HMCN1: variants seen among roughly 807,000 people sequenced by gnomAD.
HMCN1 encodes the protein hemicentin 1.
HMCN1 carries 321 observed loss-of-function variants against 625.9 expected under a neutral mutation model. The observed-to-expected ratio is 0.51, with a 90% CI of 0.47 to 0.56. HMCN1 has a LOEUF of 0.56. Ranked by LOEUF, HMCN1 falls within the 20% of genes least tolerant of loss-of-function variation. The pLI, the probability that HMCN1 is intolerant of heterozygous loss-of-function variation, is 0.00. For synonymous variants in HMCN1, 2,425 were observed against 2,417.6 expected (o/e 1.00, Z -0.09); for missense variants, 6,588 against 6,887.3 (o/e 0.96, Z 1.54).
intron 15 of HMCN1, among the ~76,000 whole-genome samples, chr1:185,974,635 G>A (rs868600329): frequency 5.3e-5 from 8 of 152,064 alleles, no homozygotes; most frequent in South Asian, 2.1e-4. Context: ...AGTTCATGTT[G>A]GCTACATTCA....
At chr1:185,900,292 A>G (rs1190212015) in intron 4 of HMCN1, among the ~76,000 whole-genome samples, 1 of 152,008 alleles carries the variant, frequency 6.6e-6, no homozygotes, top group Non-Finnish European at 1.5e-5. Context: ...TGTGAGAGCT[A>G]TAAAGTTTTG....
At chr1:185,752,582 A>C (rs1654886447) in intron 1 of HMCN1, among the ~76,000 whole-genome samples, 1 of 152,046 alleles carries the variant, frequency 6.6e-6, no homozygotes, top group Non-Finnish European at 1.5e-5. Flanking sequence ...TTGCATGTGA[A>C]CTTAGTCTGT....
At chr1:186,024,823 C>G (rs1432767872) in intron 36 of HMCN1, among the ~76,000 whole-genome samples, 5 of 152,144 alleles carry the variant, frequency 3.3e-5, no homozygotes, top group Non-Finnish European at 7.4e-5. Flanking sequence ...AATGAATGCT[C>G]TATAACAGCA....
intron 2 of HMCN1, among the ~76,000 whole-genome samples, chr1:185,852,557 G>A (rs1026174974): frequency 1.4e-5 from 2 of 140,460 alleles, no homozygotes; most frequent in Non-Finnish European, 3.1e-5. Flanking sequence ...TTCATAATAT[G>A]CATTTGCTTA....
Position 186,093,686 on chromosome 1 carries a change from T to A in HMCN1, c.10196+17T>A, listed in dbSNP as rs776366059. On this transcript the variant is annotated intron_variant, in intron 66 of 106. Transcript: ENST00000271588. Reference sequence around the variant, plus strand: ...AGTTATCAGGTCAGCTTTTATTGTGTCTGATTTCCTAAACAGATGAAGTAA... The same window carrying A: ...AGTTATCAGGTCAGCTTTTATTGTGACTGATTTCCTAAACAGATGAAGTAA... 7.4e-6 allele frequency: 12 copies of A among 1,612,952 alleles called. No individual in the cohort carries two copies. The highest frequency in any genetic ancestry group is 9.3e-6 in the Non-Finnish European group (11 of 1,179,254).
intron 68 of HMCN1, 113 bp downstream of exon 68, chr1:186,095,634 T>A (rs987556661): frequency 1.1e-5 from 13 of 1,140,554 alleles, no homozygotes; most frequent in South Asian, 1.6e-5. Flanking sequence ...TTTTAAAAAA[T>A]TTTTATTGCA....
intron 1 of HMCN1, among the ~76,000 whole-genome samples, chr1:185,735,634 G>T (rs1653507888): frequency 6.6e-6 from 1 of 152,192 alleles, no homozygotes; most frequent in Admixed American, 6.5e-5. Context: ...TCACAGATGG[G>T]TATAAACATT....
chr1:186,080,636 T>C (rs1040362676), intron 55 of HMCN1, among the ~76,000 whole-genome samples: 19 of 152,170 alleles, frequency 1.2e-4, no homozygotes, highest in African/African-American at 4.6e-4. Flanking sequence ...CAGAGATGCC[T>C]ATTGAAGTTA....
chr1:186,155,447 C>T (rs1287550878), intron 97 of HMCN1, among the ~76,000 whole-genome samples: 1 of 152,138 alleles, frequency 6.6e-6, no homozygotes, highest in East Asian at 1.9e-4. Flanking sequence ...CTTTTCAAAT[C>T]TAACTTCTGT....
intron 82 of HMCN1, among the ~76,000 whole-genome samples, chr1:186,127,327 C>T (rs1227302233): frequency 6.6e-6 from 1 of 152,008 alleles, no homozygotes; most frequent in African/African-American, 2.4e-5. Context: ...TGATAGGCAT[C>T]AGCATATAGT....
chr1:185,773,760 T>C (rs1022443355), intron 1 of HMCN1, among the ~76,000 whole-genome samples: 17 of 152,128 alleles, frequency 1.1e-4, no homozygotes, highest in African/African-American at 4.1e-4. Context: ...ATGATGGTGT[T>C]AAGTAAAGTA....
chr1:185,836,282 A>G (rs79503643), intron 1 of HMCN1, among the ~76,000 whole-genome samples: 302 of 152,238 alleles, frequency 2.0e-3, no homozygotes, highest in African/African-American at 7.1e-3. Flanking sequence ...AAAACAGTAC[A>G]ATAAGTTGAA....
intron 9 of HMCN1, among the ~76,000 whole-genome samples, chr1:185,927,492 G>C (rs1234188517): frequency 6.6e-6 from 1 of 152,126 alleles, no homozygotes; most frequent in Non-Finnish European, 1.5e-5. Context: ...ACCTTGCTTT[G>C]TTTCTCACTT....
chr1:186,103,605 T>C lies in HMCN1; in HGVS notation c.10707T>C (p.Leu3569=), dbSNP rs1270078995. The change falls in exon 69 of 107, where the codon CTT becomes CTC. Residue 3569 remains leucine, a synonymous_variant. Coordinates refer to ENST00000271588, the MANE Select transcript of HMCN1 (RefSeq NM_031935.3). ...KMTWMKDGRP[L]PQTDQVQTLG... ...CCTGGATGAAAGATGGCCGGCCCCT[T>C]CCACAGACGGATCAAGTGCAAACTC... The C allele has an allele frequency of 6.2e-7, 1 of 1,613,748 alleles. No homozygotes were observed. Among genetic ancestry groups the C allele is most frequent in the Non-Finnish European group, 8.5e-7 (1 of 1,179,832 alleles).
intron 42 of HMCN1, among the ~76,000 whole-genome samples, chr1:186,052,018 C>G (rs569543903): frequency 1.3e-5 from 2 of 151,876 alleles, no homozygotes; most frequent in African/African-American, 2.4e-5. Flanking sequence ...AGTATTTAGA[C>G]TGGTTATACA....
chr1:186,171,987 C>A lies in HMCN1; in HGVS notation c.15689-19C>A. On this transcript the variant is annotated intron_variant, in intron 101 of 106. Transcript: ENST00000271588. ...TAAATAATTTTCTTAATCTACATTA[C>A]CTTTGTTCTTTTATCAAGATGTGAA... 6.2e-7 allele frequency: 1 copy of A among 1,611,408 alleles called. No individual in the cohort carries two copies. Among genetic ancestry groups the A allele is most frequent in the South Asian group, 1.1e-5 (1 of 90,932 alleles).
Position 185,921,899 on chromosome 1 carries a change from T to C in HMCN1, c.901-480T>C, listed in dbSNP as rs143257346. ...ACACTGCTGAGCTGAGGATGCCAGGTTGCCAAAATCTGAAAATGGTCGGCT... is the reference window on the plus strand; with the variant it reads ...ACACTGCTGAGCTGAGGATGCCAGGCTGCCAAAATCTGAAAATGGTCGGCT... On this transcript the variant is annotated intron_variant, in intron 6 of 106. Coordinates refer to ENST00000271588, the MANE Select transcript of HMCN1 (RefSeq NM_031935.3). Among the ~76,000 whole-genome samples, 134 of 152,316 alleles carry C rather than the reference T, an allele frequency of 8.8e-4. 3 individuals carry two copies. In the East Asian group the frequency reaches 0.025, roughly 28 times the overall value.
chr1:186,123,194 G>A lies in HMCN1; in HGVS notation c.12473G>A (p.Ser4158Asn). 6.2e-7 allele frequency: 1 copy of A among 1,613,916 alleles called. No individual in the cohort carries two copies. The highest frequency in any genetic ancestry group is 8.5e-7 in the Non-Finnish European group (1 of 1,179,902). The change falls in exon 81 of 107, where the codon AGC becomes AAC. Residue 4158 changes from serine to asparagine, a missense_variant. By Grantham distance (46) the Ser-to-Asn change is conservative. Transcript: ENST00000271588. The stretch of plus-strand genomic sequence containing the variant: ...GCAGCCAATGTAGCAGGATCAAGCA[G>A]CACAAGCACCAAGCTCACCGTCCAT... Reference protein sequence around the residue: ...CMAANVAGSSSTSTKLTVHVP... With the variant: ...CMAANVAGSSNTSTKLTVHVP...
At chr1:185,831,694 A>G (rs924695156) in intron 1 of HMCN1, among the ~76,000 whole-genome samples, 1 of 152,218 alleles carries the variant, frequency 6.6e-6, no homozygotes, top group Non-Finnish European at 1.5e-5. Context: ...TAGCTTTTAT[A>G]TATACAAAAA....
Sources: allele counts gnomAD v4.1 joint callset (sites outside exome capture counted in the v4.1 genomes callset), GRCh38; gene constraint gnomAD v4.1.1; transcripts MANE v1.5; gene names NCBI Gene and HGNC (gene_info 2026-07-23, HGNC 2026-07-21).